Variants in CLCN3 observed in about 807,000 individuals in gnomAD.
The protein encoded by CLCN3 is Cl-/H+ antiporter 3.
Under a neutral mutation model 83.4 loss-of-function variants are expected in CLCN3, and 16 were observed. The ratio of observed to expected loss-of-function variants is 0.19; its 90% CI spans 0.13 to 0.29. CLCN3 has a LOEUF of 0.29. CLCN3 is among the 10% of genes least tolerant of loss of function. CLCN3 has a pLI of 1.00. For missense variants in CLCN3, 544 were observed against 1,006.0 expected, an observed-to-expected ratio of 0.54 and a Z score of 6.21; for synonymous variants, 322 against 346.2, an observed-to-expected ratio of 0.93 and a Z score of 0.78.
chr4:169,636,245 G>A (rs981473518), intron 2 of CLCN3, among the ~76,000 whole-genome samples, 157 bp downstream of exon 2: 2 of 152,142 alleles, frequency 1.3e-5, no homozygotes, highest in African/African-American at 4.8e-5. Flanking sequence ...GGAACTGAGT[G>A]GCATTTAGCA....
chr4:169,635,702 C>G (rs1330895616), intron 1 of CLCN3, among the ~76,000 whole-genome samples: 1 of 152,010 alleles, frequency 6.6e-6, no homozygotes, highest in African/African-American at 2.4e-5. Context: ...GGAGATCTAC[C>G]TGGAGAAATT....
intron 7 of CLCN3, among the ~76,000 whole-genome samples, chr4:169,692,887 G>A (rs1732424086): frequency 6.6e-6 from 1 of 152,080 alleles, no homozygotes; most frequent in Non-Finnish European, 1.5e-5. Context: ...CATTTCTTTA[G>A]GCCAGCCTGA....
intron 2 of CLCN3, among the ~76,000 whole-genome samples, chr4:169,639,568 AGTGAAT>A (rs1480261553): frequency 6.6e-5 from 10 of 152,240 alleles, no homozygotes; most frequent in Non-Finnish European, 1.3e-4. Context: ...TATGTGAAAC[AGTGAAT>A]GTCCTTTTTT....
In CLCN3 at chr4:169,706,885, A is replaced by T; in HGVS notation, c.1768A>T (p.Thr590Ser). 1 of 1,610,974 alleles carries T rather than the reference A, an allele frequency of 6.2e-7. No homozygotes were observed. Among genetic ancestry groups the T allele is most frequent in the Non-Finnish European group, 8.5e-7 (1 of 1,177,402 alleles). The change falls in exon 11 of 13, where the codon ACT (threonine) becomes TCT (serine). Residue 590 changes from threonine to serine, a missense_variant. Physicochemically the swap from Thr to Ser is moderately conservative, Grantham distance 58. This residue lies in a region of CLCN3 where 27 missense variants were observed against 100.2 expected (regional missense o/e 0.27). Coordinates refer to ENST00000513761, the MANE Select transcript of CLCN3 (RefSeq NM_001829.4). Reference sequence around the variant, plus strand: ...TTTTTCAGGTGGTGTGACAAGAATGACTGTCTCCCTGGTGGTTATTGTTTT... The same window carrying T: ...TTTTTCAGGTGGTGTGACAAGAATGTCTGTCTCCCTGGTGGTTATTGTTTT... The part of the protein sequence containing the change: ...AACLGGVTRM[T>S]VSLVVIVFEL...
rs1355872269 is a variant in CLCN3, at chr4:169,723,081, T to TTATC, written c.*3086_*3089dup. 1 of 152,228 alleles carries TTATC rather than the reference T, an allele frequency of 6.6e-6. No homozygotes were observed. The highest frequency in any genetic ancestry group is 6.5e-5 in the Admixed American group (1 of 15,284). The allele number at this position is 152,228 out of a possible 1,614,324, so 9.4% of individuals were successfully genotyped here. ...TCTGTAATGTTGCCTAGAGCTGTATTTATCTGTTTTTATTTATACTAGTGT... is the reference window on the plus strand; with the variant it reads ...TCTGTAATGTTGCCTAGAGCTGTATTTATCTATCTGTTTTTATTTATACTAGTGT... On this transcript the variant is annotated 3_prime_UTR_variant, in exon 13 of 13. Transcript: ENST00000513761.
chr4:169,650,704 T>C (rs1169929593), intron 2 of CLCN3, among the ~76,000 whole-genome samples: 1 of 152,240 alleles, frequency 6.6e-6, no homozygotes, highest in Non-Finnish European at 1.5e-5. Context: ...CAAATAATTC[T>C]AAAGTTCATC....
At chr4:169,648,499 A>G (rs749672462) in intron 2 of CLCN3, among the ~76,000 whole-genome samples, 8 of 152,214 alleles carry the variant, frequency 5.3e-5, no homozygotes, top group Non-Finnish European at 1.0e-4. Context: ...CCACCCAGAG[A>G]TAACTGATTA....
chr4:169,713,065 C>T lies in CLCN3; in HGVS notation c.2150-14C>T, dbSNP rs917227238. On this transcript the variant is annotated splice_polypyrimidine_tract_variant and intron_variant, in intron 11 of 12. Coordinates refer to ENST00000513761, the MANE Select transcript of CLCN3 (RefSeq NM_001829.4). ...ATCAGTTTAAAAGTGTTGGTCTCTT[C>T]TCTCTCTTTTCAGAAAGTGCCAGGA... 1 of 1,607,500 alleles carries T rather than the reference C, an allele frequency of 6.2e-7. No individual in the cohort carries two copies. The highest frequency in any genetic ancestry group is 8.5e-7 in the Non-Finnish European group (1 of 1,174,396).
intron 2 of CLCN3, among the ~76,000 whole-genome samples, chr4:169,678,697 T>G (rs1731780804): frequency 6.6e-6 from 1 of 152,166 alleles, no homozygotes; most frequent in Non-Finnish European, 1.5e-5. Context: ...TAACCCTGAG[T>G]TGACATAGCA....
chr4:169,635,845 TGATGTTAAACTA>T, intron 1 of CLCN3, 56 bp from the exon 2 acceptor site: 8 of 1,274,728 alleles, frequency 6.3e-6, no homozygotes, highest in Non-Finnish European at 8.4e-6. Flanking sequence ...TTTCCTTTTG[TGATGTTAAACTA>T]GATGATTTTT....
At chr4:169,717,883 A>C in intron 12 of CLCN3, 1 of 1,556,186 alleles carries the variant, frequency 6.4e-7, no homozygotes, top group Non-Finnish European at 8.9e-7. Flanking sequence ...TAGATATATC[A>C]GATCTCCTCA....
chr4:169,622,842 G>A (rs1024918328), intron 1 of CLCN3, among the ~76,000 whole-genome samples: 9 of 152,168 alleles, frequency 5.9e-5, no homozygotes, highest in Non-Finnish European at 8.8e-5. Flanking sequence ...AAGGAGGGAC[G>A]TGGCTTGTAG....
intron 1 of CLCN3, among the ~76,000 whole-genome samples, chr4:169,626,665 T>G (rs369301981): frequency 2.0e-5 from 3 of 152,288 alleles, no homozygotes; most frequent in South Asian, 4.1e-4. Context: ...AGGTTTAATG[T>G]GCCCCAACAT....
Position 169,697,676 on chromosome 4 carries a change from A to T in CLCN3, c.1505A>T (p.Gln502Leu), listed in dbSNP as rs1157430574. ...AGIGVYSAIWQLCLALIFKII... is the reference protein window; with the variant it reads ...AGIGVYSAIWLLCLALIFKII... The stretch of plus-strand genomic sequence containing the variant: ...ATTGGAGTATATTCAGCTATATGGC[A>T]GTTATGCCTGGCACTCATATTTAAA... The change falls in exon 9 of 13, where the codon CAG becomes CTG. Residue 502 changes from glutamine (Q) to leucine (L), a missense_variant. This residue lies in a region of CLCN3 where 194 missense variants were observed against 341.4 expected (regional missense o/e 0.57). Coordinates refer to ENST00000513761, the MANE Select transcript of CLCN3 (RefSeq NM_001829.4). 6.2e-7 allele frequency: 1 copy of T among 1,613,800 alleles called. No homozygotes were observed. The highest frequency in any genetic ancestry group is 1.1e-5 in the South Asian group (1 of 91,072).
intron 12 of CLCN3, chr4:169,717,955 G>C: frequency 1.3e-6 from 1 of 775,726 alleles, no homozygotes; most frequent in East Asian, 2.6e-5. Flanking sequence ...GTCTTTCCCA[G>C]ATATCTGCTG....
At chr4:169,668,702 G>A (rs751784445) in intron 2 of CLCN3, among the ~76,000 whole-genome samples, 5 of 151,454 alleles carry the variant, frequency 3.3e-5, no homozygotes, top group South Asian at 4.2e-4. Flanking sequence ...ACTGGCATCC[G>A]GTAGTCAGCC....
At chr4:169,660,186 C>G in intron 2 of CLCN3, 1 of 1,166,682 alleles carries the variant, frequency 8.6e-7, no homozygotes, top group South Asian at 3.9e-5. Context: ...AATAATTTCC[C>G]TTTGATGACA....
intron 3 of CLCN3, among the ~76,000 whole-genome samples, chr4:169,685,609 C>T (rs968184820): frequency 4.6e-5 from 7 of 152,174 alleles, no homozygotes; most frequent in African/African-American, 1.7e-4. Context: ...TGTTGATGAA[C>T]ATTTAAATGA....
At chr4:169,710,575 A>AT (rs1283430296) in intron 11 of CLCN3, among the ~76,000 whole-genome samples, 2 of 152,156 alleles carry the variant, frequency 1.3e-5, no homozygotes, top group Non-Finnish European at 2.9e-5. Context: ...GAAAAGTGTT[A>AT]TTTTTTTAAA....
Sources: gnomAD v4.1 joint callset for allele counts (sites outside exome capture counted in the v4.1 genomes callset) on GRCh38, gnomAD v4.1.1 for gene constraint, gnomAD v4.1.1 regional missense constraint, MANE v1.5 for transcripts, NCBI Gene and HGNC (gene_info 2026-07-23, HGNC 2026-07-21) for gene names.